Variants in DOCK1 observed in about 807,000 individuals in gnomAD.
DOCK1 encodes dedicator of cytokinesis protein 1.
In DOCK1, 138 loss-of-function variants were observed where a neutral mutation model predicts 262.7. The ratio of observed to expected loss-of-function variants is 0.53; its 90% confidence interval spans 0.46 to 0.61. The LOEUF (loss-of-function observed/expected upper bound fraction) is 0.61, where lower values mean the gene tolerates loss of function less well. DOCK1 is among the 20% of genes least tolerant of loss of function. DOCK1 has a pLI of 0.00. For synonymous variants in DOCK1, 866 were observed against 867.4 expected (o/e 1.00, Z 0.03); for missense variants, 1,908 against 2,370.7 (o/e 0.80, Z 4.05).
At chr10:127,275,378 C>G (rs142527264) in intron 29 of DOCK1, among the ~76,000 whole-genome samples, 1 of 152,118 alleles carries the variant, frequency 6.6e-6, no homozygotes, top group South Asian at 2.1e-4. Context: ...CCAGAGCTGC[C>G]TCAGTGGAGT....
At chr10:127,187,865 T>C (rs2056426514) in intron 27 of DOCK1, among the ~76,000 whole-genome samples, 1 of 152,220 alleles carries the variant, frequency 6.6e-6, no homozygotes, top group African/African-American at 2.4e-5. Context: ...GGATGGAGAC[T>C]GGGTTCCACT....
rs183892570 is a variant in DOCK1 at position 126,927,399 on chromosome 10, C to T, written c.46+21836C>T. On this transcript the variant is annotated intron_variant, in intron 1 of 51. Coordinates refer to ENST00000623213, the MANE Select transcript of DOCK1 (RefSeq NM_001290223.2). ...TGGAGTTAGAGGCCGAGCTGATGAT[C>T]TCTTCCTTTCTTTCCAAAGAGGATG... Among the ~76,000 whole-genome samples, 752 of 152,286 alleles carry T rather than the reference C, an allele frequency of 4.9e-3. 22 individuals are homozygous for T. The highest frequency in any genetic ancestry group is 0.044 in the Admixed American group (671 of 15,304).
At chr10:127,069,908 T>C (rs915328348) in intron 23 of DOCK1, among the ~76,000 whole-genome samples, 2 of 152,204 alleles carry the variant, frequency 1.3e-5, no homozygotes, top group Non-Finnish European at 2.9e-5. Context: ...GTGGTTTTTT[T>C]CTTCTCTCAG....
chr10:126,985,804 G>C (rs1285654208), intron 4 of DOCK1, among the ~76,000 whole-genome samples: 1 of 152,142 alleles, frequency 6.6e-6, no homozygotes, highest in Non-Finnish European at 1.5e-5. Flanking sequence ...TAATAGTCAT[G>C]TTCTTCAGTA....
In DOCK1 at chr10:126,981,914, A is replaced by G. The variant is rs756134139; in HGVS notation, c.172-4A>G. 1 of 1,609,424 alleles carries G rather than the reference A, an allele frequency of 6.2e-7. No individual in the cohort carries two copies. ...AAGCTACTGTTTTTTTTTTCCTCCCAAAGGGTATATTTCCTGCTTCATATA... is the reference window on the plus strand; with the variant it reads ...AAGCTACTGTTTTTTTTTTCCTCCCGAAGGGTATATTTCCTGCTTCATATA... On this transcript the variant is annotated splice_polypyrimidine_tract_variant and splice_region_variant and intron_variant, in intron 3 of 51. Transcript: ENST00000623213.
At chr10:127,030,023 G>A (rs772844259) in intron 16 of DOCK1, among the ~76,000 whole-genome samples, 2 of 152,072 alleles carry the variant, frequency 1.3e-5, no homozygotes, top group Non-Finnish European at 2.9e-5. Flanking sequence ...TTCTTCCTGT[G>A]TTTTTTGGCT....
At chr10:127,119,148 A>AT (rs1181874902) in intron 25 of DOCK1, among the ~76,000 whole-genome samples, 1 of 151,270 alleles carries the variant, frequency 6.6e-6, no homozygotes, top group Non-Finnish European at 1.5e-5. Flanking sequence ...GGTTCACGCC[A>AT]TTCTTCTGCC....
At chr10:127,415,307 C>G (rs1565074216) in intron 44 of DOCK1, 69 bp downstream of exon 44, 1 of 1,484,314 alleles carries the variant, frequency 6.7e-7, no homozygotes, top group African/African-American at 1.4e-5. Flanking sequence ...ACGCCTTCTT[C>G]ACCTGCTCAT....
At chr10:127,252,038 C>T (rs373269763) in intron 28 of DOCK1, among the ~76,000 whole-genome samples, 1,870 of 151,742 alleles carry the variant, frequency 0.012, 49 homozygotes, top group East Asian at 0.1. Context: ...CACATCCTCT[C>T]CAACACCTGT....
At chr10:127,201,268 G>C (rs2057444512) in intron 27 of DOCK1, among the ~76,000 whole-genome samples, 1 of 152,138 alleles carries the variant, frequency 6.6e-6, no homozygotes, top group Non-Finnish European at 1.5e-5. Flanking sequence ...GCTTATTTCT[G>C]GTTTAAGACT....
intron 27 of DOCK1, among the ~76,000 whole-genome samples, chr10:127,159,178 G>C (rs1312400550): frequency 6.6e-6 from 1 of 152,238 alleles, no homozygotes; most frequent in African/African-American, 2.4e-5. Context: ...GGTGGTTTTT[G>C]TGGAGTCCAG....
intron 38 of DOCK1, among the ~76,000 whole-genome samples, chr10:127,399,121 G>A (rs77315041): frequency 0.015 from 2,324 of 152,246 alleles, 54 homozygotes; most frequent in African/African-American, 0.053. Flanking sequence ...ACCGTGCTCC[G>A]TGCTGCAAGT....
intron 29 of DOCK1, among the ~76,000 whole-genome samples, chr10:127,270,989 A>ATGTG (rs745849449): frequency 2.7e-5 from 3 of 112,768 alleles, no homozygotes; most frequent in African/African-American, 1.3e-4. Context: ...CAAAAGTTAT[A>ATGTG]TATGTGTGTA....
chr10:127,287,901 A>G (rs1477082450), intron 29 of DOCK1, among the ~76,000 whole-genome samples: 2 of 152,158 alleles, frequency 1.3e-5, no homozygotes, highest in Non-Finnish European at 2.9e-5. Context: ...ATTCCTTTGG[A>G]GTTAAAAAAA....
chr10:127,052,896 TCC>T, intron 22 of DOCK1, 81 bp downstream of exon 22: 2 of 1,520,204 alleles, frequency 1.3e-6, no homozygotes, highest in East Asian at 2.5e-5. Flanking sequence ...CCTTCTCTCG[TCC>T]CCTTATTCTT....
chr10:127,026,434 C>G lies in DOCK1; in HGVS notation c.1624+10C>G. ...AGGTCATCACAGGACTGTGAGTAGTCAAGCACTTTCTTCCCCCAAGTATTT... is the reference window on the plus strand; with the variant it reads ...AGGTCATCACAGGACTGTGAGTAGTGAAGCACTTTCTTCCCCCAAGTATTT... On this transcript the variant is annotated intron_variant, in intron 16 of 51. Coordinates refer to ENST00000623213, the MANE Select transcript of DOCK1 (RefSeq NM_001290223.2). 1 of 1,570,114 alleles carries G rather than the reference C, an allele frequency of 6.4e-7. No individual in the cohort carries two copies. The highest frequency in any genetic ancestry group is 8.6e-7 in the Non-Finnish European group (1 of 1,156,172).
Position 126,984,717 on chromosome 10 carries a change from T to A in DOCK1, c.227+2744T>A, listed in dbSNP as rs528550321. On this transcript the variant is annotated intron_variant, in intron 4 of 51. Coordinates refer to ENST00000623213, the MANE Select transcript of DOCK1 (RefSeq NM_001290223.2). ...AAATAAAAATTGTATGTATTTATGG[T>A]GTGCAACATGATGTTTTGAAGTATG... Among the ~76,000 whole-genome samples the A allele has an allele frequency of 2.6e-5, 4 of 152,290 alleles. No homozygotes were observed. In the East Asian group the frequency reaches 5.8e-4, roughly 22 times the overall value.
chr10:127,291,488 G>GA (rs2061343119), intron 29 of DOCK1, among the ~76,000 whole-genome samples: 1 of 152,170 alleles, frequency 6.6e-6, no homozygotes, highest in African/African-American at 2.4e-5. Flanking sequence ...TCTGTCCCTG[G>GA]TGGCCAGTGC....
intron 27 of DOCK1, among the ~76,000 whole-genome samples, chr10:127,133,721 TG>T (rs2050466096): frequency 2.0e-5 from 3 of 152,232 alleles, no homozygotes; most frequent in Non-Finnish European, 4.4e-5. Flanking sequence ...AAAACCAGAC[TG>T]CCTTAAGTTA....
Sources: allele counts gnomAD v4.1 joint callset (sites outside exome capture counted in the v4.1 genomes callset), GRCh38; gene constraint gnomAD v4.1.1; transcripts MANE v1.5; gene names NCBI Gene and HGNC (gene_info 2026-07-23, HGNC 2026-07-21).